The following OSBP2 variants were observed in gnomAD, a reference collection of about 807,000 sequenced individuals.
The protein encoded by OSBP2 is oxysterol binding protein 2, also known as oxysterol-binding protein 2.
OSBP2 carries 66 observed loss-of-function variants against 96.0 expected under a neutral mutation model. The observed-to-expected ratio is 0.69, with a 90% CI of 0.56 to 0.84. The LOEUF (loss-of-function observed/expected upper bound fraction) is 0.84. Among genes scored for constraint, OSBP2 ranks in the 40% least tolerant of loss-of-function variants. OSBP2 has a pLI of 0.00. For missense variants in OSBP2, 1,038 were observed against 1,222.7 expected (o/e 0.85, Z 2.25); for synonymous variants, 525 against 520.9 (o/e 1.01, Z -0.11).
At chr22:30,835,747 A>G (rs1602334105) in intron 2 of OSBP2, among the ~76,000 whole-genome samples, 1 of 149,072 alleles carries the variant, frequency 6.7e-6, no homozygotes, top group South Asian at 2.1e-4. Context: ...TAAGATACAA[A>G]GTCTCATTTT....
At chr22:30,732,173 G>A (rs1480141297) in intron 1 of OSBP2, among the ~76,000 whole-genome samples, 2 of 152,040 alleles carry the variant, frequency 1.3e-5, no homozygotes, top group African/African-American at 2.4e-5. Flanking sequence ...GCGTGGTGAC[G>A]GGTGCCTATA....
At chr22:30,787,499 C>T (rs1293200308) in intron 2 of OSBP2, among the ~76,000 whole-genome samples, 1 of 151,958 alleles carries the variant, frequency 6.6e-6, no homozygotes, top group Non-Finnish European at 1.5e-5. Context: ...ATGGTGAAAC[C>T]CCATCTCAAC....
chr22:30,905,714 G>C, intron 12 of OSBP2, 123 bp from the exon 13 acceptor site: 1 of 1,416,674 alleles, frequency 7.1e-7, no homozygotes, highest in Non-Finnish European at 9.4e-7. Flanking sequence ...GGGAGTCCTG[G>C]ACGCGGGGAG....
intron 2 of OSBP2, among the ~76,000 whole-genome samples, chr22:30,792,767 C>T (rs1208764756): frequency 6.6e-6 from 1 of 152,224 alleles, no homozygotes; most frequent in African/African-American, 2.4e-5. Context: ...AAAGCACAAG[C>T]CTCCGGTCTT....
At chr22:30,873,665 G>A (rs1441807692) in intron 3 of OSBP2, among the ~76,000 whole-genome samples, 1 of 152,190 alleles carries the variant, frequency 6.6e-6, no homozygotes, top group Admixed American at 6.5e-5. Context: ...GCCCGTGCCT[G>A]CATTAGGGAA....
intron 1 of OSBP2, among the ~76,000 whole-genome samples, chr22:30,708,450 T>C (rs1307414930): frequency 6.6e-6 from 1 of 150,932 alleles, no homozygotes; most frequent in East Asian, 2.0e-4. Flanking sequence ...CCTGTGACTA[T>C]TTCAGTATAT....
intron 12 of OSBP2, among the ~76,000 whole-genome samples, chr22:30,898,556 C>T (rs566036503): frequency 6.6e-6 from 1 of 152,166 alleles, no homozygotes; most frequent in East Asian, 1.9e-4. Context: ...GAAGCAAGTA[C>T]CTTCTTCACA....
rs753827363 is a variant in OSBP2 at position 30,872,387 on chromosome 22, G to A, written c.1107+1705G>A. 12 of 456,412 alleles carry A rather than the reference G, an allele frequency of 2.6e-5. 1 individual carries two copies. The highest frequency in any genetic ancestry group is 1.9e-4 in the South Asian group (12 of 64,566). 28.3% of individuals were successfully genotyped at this position (456,412 alleles called of 1,614,324 possible). On this transcript the variant is annotated intron_variant, in intron 3 of 13. Coordinates refer to ENST00000332585, the MANE Select transcript of OSBP2 (RefSeq NM_030758.4). ...GCTTTGTCTTGAATAAGCAGTTTTG[G>A]CTTTTCCGAGATAATGAGCGTCTCA...
At chr22:30,847,502 G>A (rs866075177) in intron 2 of OSBP2, among the ~76,000 whole-genome samples, 1 of 152,026 alleles carries the variant, frequency 6.6e-6, no homozygotes, top group Admixed American at 6.5e-5. Flanking sequence ...GGCTGGTCTC[G>A]AACTCCTGAC....
At chr22:30,808,799 A>C (rs1257842308) in intron 2 of OSBP2, among the ~76,000 whole-genome samples, 1 of 151,944 alleles carries the variant, frequency 6.6e-6, no homozygotes. Context: ...CTAAAAATAC[A>C]AAAAATTAGC....
chr22:30,698,304 A>G (rs959312007), intron 1 of OSBP2, among the ~76,000 whole-genome samples: 1 of 152,176 alleles, frequency 6.6e-6, no homozygotes, highest in Non-Finnish European at 1.5e-5. Flanking sequence ...TTTTAAATTC[A>G]TGATCTCTTT....
At chr22:30,873,075 A>T (rs1410227302) in intron 3 of OSBP2, among the ~76,000 whole-genome samples, 10 of 152,028 alleles carry the variant, frequency 6.6e-5, no homozygotes, top group African/African-American at 2.4e-4. Flanking sequence ...CAGACCACTT[A>T]CCCCTTCCAA....
rs182944020 is a variant in OSBP2, at chr22:30,901,102, T to C, written c.2376-4735T>C. Among the ~76,000 whole-genome samples, 263 of 152,330 alleles carry C rather than the reference T, an allele frequency of 1.7e-3. 1 individual carries two copies. Among genetic ancestry groups the C allele is most frequent in the African/African-American group, 5.9e-3 (245 of 41,580 alleles). Reference sequence around the variant, plus strand: ...ACTTTTTTTTGAGATGGAGTCTCACTCTGTCGCCCAGCCTGGAGTACAGTG... The same window carrying C: ...ACTTTTTTTTGAGATGGAGTCTCACCCTGTCGCCCAGCCTGGAGTACAGTG... On this transcript the variant is annotated intron_variant, in intron 12 of 13. Transcript: ENST00000332585.
intron 2 of OSBP2, among the ~76,000 whole-genome samples, chr22:30,814,663 A>G (rs902023226): frequency 1.3e-5 from 2 of 152,038 alleles, no homozygotes; most frequent in Admixed American, 6.6e-5. Context: ...TCCTGACCTC[A>G]GGTGATCTGC....
intron 2 of OSBP2, among the ~76,000 whole-genome samples, chr22:30,754,460 A>G (rs1367277225): frequency 2.6e-5 from 4 of 152,184 alleles, no homozygotes; most frequent in Admixed American, 2.6e-4. Context: ...CTGGCCTTTA[A>G]GGAGCTCACT....
intron 2 of OSBP2, among the ~76,000 whole-genome samples, chr22:30,758,864 A>G (rs1184147661): frequency 6.6e-6 from 1 of 152,234 alleles, no homozygotes; most frequent in Non-Finnish European, 1.5e-5. Context: ...AGAAAAAAAC[A>G]GGAAATCACA....
At chr22:30,758,810 G>A (rs1569111618) in intron 2 of OSBP2, among the ~76,000 whole-genome samples, 1 of 152,236 alleles carries the variant, frequency 6.6e-6, no homozygotes, top group East Asian at 1.9e-4. Context: ...GTGTGGTGGT[G>A]GGAAGTGGGC....
In OSBP2 at chr22:30,889,475, C is replaced by T. The variant is rs142115759; in HGVS notation, c.1477-15C>T. 38 of 1,614,014 alleles carry T rather than the reference C, an allele frequency of 2.4e-5. No individual in the cohort carries two copies. The highest frequency in any genetic ancestry group is 1.8e-4 in the East Asian group (8 of 44,884). Reference sequence around the variant, plus strand: ...GCCTCTGCTGACGGTGAGGGGGTCCCCACTTATGTGGCAGGTACTAGATGG... The same window carrying T: ...GCCTCTGCTGACGGTGAGGGGGTCCTCACTTATGTGGCAGGTACTAGATGG... On this transcript the variant is annotated splice_polypyrimidine_tract_variant and intron_variant, in intron 6 of 13. Transcript: ENST00000332585.
At chr22:30,894,212 G>GAGGTGAT (rs1477892603) in intron 12 of OSBP2, 8 of 572,022 alleles carry the variant, frequency 1.4e-5, no homozygotes, top group Non-Finnish European at 2.5e-5. Context: ...GACTTTAAGC[G>GAGGTGAT]AGGTGATAGG....
Sources: gnomAD v4.1 joint callset for allele counts (sites outside exome capture counted in the v4.1 genomes callset) on GRCh38, gnomAD v4.1.1 for gene constraint, MANE v1.5 for transcripts, NCBI Gene and HGNC (gene_info 2026-07-23, HGNC 2026-07-21) for gene names.